GLRA2: variants seen among roughly 807,000 people sequenced by gnomAD.
GLRA2 encodes the protein glycine receptor alpha 2.
GLRA2 carries 11 observed loss-of-function variants against 31.6 expected under a neutral mutation model. That is an observed-to-expected ratio of 0.35 (90% CI 0.22 to 0.58). The LOEUF is 0.58. GLRA2 is among the 20% of genes least tolerant of loss of function. The pLI, the probability that GLRA2 is intolerant of heterozygous loss-of-function variation, is 0.84. For synonymous variants in GLRA2, 132 were observed against 134.0 expected (o/e 0.99, Z 0.10); for missense variants, 212 against 351.8 (o/e 0.60, Z 3.18).
At chrX:14,593,274 T>C (rs2090164356) in intron 4 of GLRA2, among the ~76,000 whole-genome samples, 1 of 111,423 alleles carries the variant, frequency 9.0e-6, no homozygotes, top group African/African-American at 3.2e-5. Context: ...GCTTGTGGTG[T>C]TTAAAATTAC....
chrX:14,507,941 G>A, the GLRA2 span, among the ~76,000 whole-genome samples: 16 of 109,844 alleles, frequency 1.5e-4, no homozygotes, highest in African/African-American at 2.3e-4. Flanking sequence ...TGATCCACCC[G>A]CCTTGGTCTC....
chrX:14,453,507 G>T, the GLRA2 span, among the ~76,000 whole-genome samples: 2 of 111,715 alleles, frequency 1.8e-5, no homozygotes, highest in Non-Finnish European at 3.8e-5. Context: ...TAATAGATGG[G>T]CTAGTAAAAA....
the GLRA2 span, among the ~76,000 whole-genome samples, chrX:14,506,612 A>G: frequency 3.6e-5 from 4 of 111,653 alleles, no homozygotes; most frequent in African/African-American, 1.3e-4. Context: ...CATGCTGTAC[A>G]CACCTCTAAG....
intron 8 of GLRA2, among the ~76,000 whole-genome samples, chrX:14,700,771 A>AT (rs914219847): frequency 4.4e-4 from 48 of 110,159 alleles, no homozygotes; most frequent in African/African-American, 1.5e-3. Context: ...TAGGCCATGG[A>AT]TTTTTTTGTT....
At chrX:14,713,989 G>A (rs1390719793) in intron 8 of GLRA2, among the ~76,000 whole-genome samples, 1 of 111,515 alleles carries the variant, frequency 9.0e-6, no homozygotes, top group Non-Finnish European at 1.9e-5. Flanking sequence ...TAATTCTGGT[G>A]GGAATTATCC....
intron 7 of GLRA2, among the ~76,000 whole-genome samples, chrX:14,651,184 T>C (rs1223124253): frequency 8.9e-6 from 1 of 111,785 alleles, no homozygotes; most frequent in African/African-American, 3.3e-5. Context: ...CACCAAGACA[T>C]TTATCACTTG....
At chrX:14,574,842 A>G (rs1351302950) in intron 3 of GLRA2, among the ~76,000 whole-genome samples, 1 of 111,857 alleles carries the variant, frequency 8.9e-6, no homozygotes, top group Non-Finnish European at 1.9e-5. Context: ...ATGCATAGTT[A>G]TGGATATTTA....
chrX:14,562,985 A>G (rs112657438), intron 2 of GLRA2, among the ~76,000 whole-genome samples: 3 of 112,506 alleles, frequency 2.7e-5, no homozygotes, highest in African/African-American at 9.7e-5. Flanking sequence ...TAAAAATCTT[A>G]AAGGGCAAAA....
At chrX:14,658,900 A>G (rs749006858) in intron 7 of GLRA2, among the ~76,000 whole-genome samples, 1 of 112,430 alleles carries the variant, frequency 8.9e-6, no homozygotes, top group Non-Finnish European at 1.9e-5. Context: ...AAGATGAAAA[A>G]TTGAGGATCA....
At chrX:14,655,660 A>G (rs1166647315) in intron 7 of GLRA2, among the ~76,000 whole-genome samples, 1 of 111,578 alleles carries the variant, frequency 9.0e-6, no homozygotes, top group Non-Finnish European at 1.9e-5. Context: ...CCATTCTCAG[A>G]ATAGGCCCAG....
At chrX:14,702,779 G>A (rs915619924) in intron 8 of GLRA2, among the ~76,000 whole-genome samples, 5 of 111,744 alleles carry the variant, frequency 4.5e-5, no homozygotes, top group Non-Finnish European at 5.6e-5. Context: ...ATATGACCAC[G>A]CAGGCAGTAA....
chrX:14,489,911 C>CT, the GLRA2 span, among the ~76,000 whole-genome samples: 106 of 106,591 alleles, frequency 9.9e-4, no homozygotes, highest in East Asian at 2.9e-3. Flanking sequence ...TATTTTTTTT[C>CT]TTTTTTTTTT....
chrX:14,670,649 C>A (rs971210368), intron 7 of GLRA2, among the ~76,000 whole-genome samples: 7 of 110,987 alleles, frequency 6.3e-5, no homozygotes. Context: ...ACTATCATGA[C>A]AACAGCACGG....
intron 8 of GLRA2, among the ~76,000 whole-genome samples, chrX:14,714,695 T>TAA (rs1363391112): frequency 1.8e-5 from 2 of 112,389 alleles, no homozygotes; most frequent in Admixed American, 9.4e-5. Flanking sequence ...ATGAGGCTTG[T>TAA]AAAAATAACA....
intron 4 of GLRA2, among the ~76,000 whole-genome samples, chrX:14,598,421 C>T (rs1451997769): frequency 1.8e-5 from 2 of 112,231 alleles, no homozygotes; most frequent in Non-Finnish European, 3.8e-5. Flanking sequence ...ATGAGTCAAG[C>T]AGCCTTCTGT....
In GLRA2 at chrX:14,529,693, G is replaced by T; in HGVS notation, c.-365G>T. On this transcript the variant is annotated 5_prime_UTR_variant, in exon 1 of 9. Transcript: ENST00000218075. ...AAAAAGGGCTTTGCTAAACAGAAAAGATATAAAACAAAAGCCACAGCTATC... is the reference window on the plus strand; with the variant it reads ...AAAAAGGGCTTTGCTAAACAGAAAATATATAAAACAAAAGCCACAGCTATC... 5.2e-6 allele frequency: 1 copy of T among 192,637 alleles called. No individual in the cohort carries two copies. Among genetic ancestry groups the T allele is most frequent in the East Asian group, 1.3e-4 (1 of 7,753 alleles). The allele number at this position is 192,637 out of a possible 1,213,427, so 15.9% of individuals were successfully genotyped here.
the GLRA2 span, among the ~76,000 whole-genome samples, chrX:14,481,916 G>A: frequency 9.0e-6 from 1 of 110,528 alleles, no homozygotes; most frequent in Non-Finnish European, 1.9e-5. Context: ...TGTAAATACT[G>A]CTTTAGAAAG....
the GLRA2 span, among the ~76,000 whole-genome samples, chrX:14,449,276 G>A: frequency 8.9e-6 from 1 of 112,413 alleles, no homozygotes; most frequent in South Asian, 3.7e-4. Flanking sequence ...TCCTAAGGAA[G>A]AGGTAAGTGA....
At chrX:14,552,288 T>C (rs2089576461) in intron 2 of GLRA2, among the ~76,000 whole-genome samples, 1 of 111,870 alleles carries the variant, frequency 8.9e-6, no homozygotes, top group Non-Finnish European at 1.9e-5. Context: ...ATGGCCGAAG[T>C]GTAAGGAAGA....
Sources: gnomAD v4.1 joint callset for allele counts (sites outside exome capture counted in the v4.1 genomes callset) on GRCh38, gnomAD v4.1.1 for gene constraint, MANE v1.5 for transcripts, NCBI Gene and HGNC (gene_info 2026-07-23, HGNC 2026-07-21) for gene names.